The following PRMT3 variants were observed in gnomAD, a reference collection of about 807,000 sequenced individuals.
PRMT3 encodes protein arginine N-methyltransferase 3.
PRMT3 carries 62 observed loss-of-function variants against 71.9 expected under a neutral mutation model. That is an observed-to-expected ratio of 0.86 (90% CI 0.70 to 1.07). PRMT3 has a LOEUF of 1.07. Among genes scored for constraint, PRMT3 ranks in the 50% least tolerant of loss-of-function variants. PRMT3 has a pLI of 0.00. For synonymous variants in PRMT3, 213 were observed against 220.4 expected, an observed-to-expected ratio of 0.97 and a Z score of 0.30; for missense variants, 663 against 643.0, an observed-to-expected ratio of 1.03 and a Z score of -0.34.
At chr11:20,480,714 C>G (rs561393088) in intron 13 of PRMT3, among the ~76,000 whole-genome samples, 81 of 152,082 alleles carry the variant, frequency 5.3e-4, no homozygotes, top group African/African-American at 1.8e-3. Flanking sequence ...CATGAGTTAC[C>G]TAAGAGATAA....
At chr11:20,504,739 A>C (rs999691832) in intron 15 of PRMT3, among the ~76,000 whole-genome samples, 4 of 150,606 alleles carry the variant, frequency 2.7e-5, no homozygotes, top group Non-Finnish European at 4.4e-5. Context: ...AGAGAGAGAG[A>C]GAGAGAGCGA....
chr11:20,480,306 G>C (rs1264532379), intron 13 of PRMT3, among the ~76,000 whole-genome samples: 1 of 152,180 alleles, frequency 6.6e-6, no homozygotes, highest in Non-Finnish European at 1.5e-5. Context: ...CTCTGTGTGT[G>C]TATGTGTGTT....
At chr11:20,406,392 T>C (rs1340047087) in intron 8 of PRMT3, 4 of 152,244 alleles carry the variant, frequency 2.6e-5, no homozygotes, top group African/African-American at 9.6e-5. Flanking sequence ...TATAAAGGGC[T>C]GACTGTATTT....
chr11:20,392,223 A>G lies in PRMT3; in HGVS notation c.260A>G (p.Tyr87Cys), dbSNP rs781769052. The G allele has an allele frequency of 3.2e-6, 5 of 1,569,318 alleles. No individual in the cohort carries two copies. The highest frequency in any genetic ancestry group is 2.3e-5 in the East Asian group (1 of 43,868). ...TTTCCCCCTTTAGGACTTGAATTTT[A>G]TGGATACATTAAGCTAATAAATTTT... Reference protein sequence around the residue: ...SMVHKHGLEFYGYIKLINFIR... With the variant: ...SMVHKHGLEFCGYIKLINFIR... The change falls in exon 4 of 16, where the codon TAT becomes TGT. Residue 87 changes from tyrosine (Y) to cysteine (C), a missense_variant. Physicochemically the swap from Tyr to Cys is radical, Grantham distance 194. Coordinates refer to ENST00000331079, the MANE Select transcript of PRMT3 (RefSeq NM_005788.4).
chr11:20,441,799 T>G (rs1317916398), intron 10 of PRMT3, among the ~76,000 whole-genome samples: 1 of 151,266 alleles, frequency 6.6e-6, no homozygotes, highest in African/African-American at 2.4e-5. Flanking sequence ...TTTTTTTTTT[T>G]TTTTTTTTTT....
At chr11:20,407,720 G>A (rs918311731) in intron 8 of PRMT3, 191 bp from the exon 9 acceptor site, 1 of 452,598 alleles carries the variant, frequency 2.2e-6, no homozygotes, top group Non-Finnish European at 3.9e-6. Flanking sequence ...CGGGCATGGT[G>A]ACTCCTGCCT....
At chr11:20,406,838 A>G (rs1237555602) in intron 8 of PRMT3, 1 of 152,114 alleles carries the variant, frequency 6.6e-6, no homozygotes, top group Non-Finnish European at 1.5e-5. Context: ...GATAATAGCT[A>G]TCCTAGTTGG....
rs746960511 is a variant in PRMT3 at position 20,426,865 on chromosome 11, GGTGA to G, written c.993+4_993+7del. ...TAGATGTTATCATATCTGAGTGGAT[GGTGA>G]GTGTTTATAGAAAAAACTACTTTCA... On this transcript the variant is annotated splice_donor_variant and splice_donor_region_variant and intron_variant, in intron 10 of 15. Transcript: ENST00000331079. LOFTEE classifies it high-confidence loss of function. 3.9e-6 allele frequency: 6 copies of G among 1,525,620 alleles called. No individual in the cohort carries two copies. The highest frequency in any genetic ancestry group is 1.3e-5 in the South Asian group (1 of 74,882). 94.5% of individuals were successfully genotyped at this position (1,525,620 alleles called of 1,614,324 possible).
intron 15 of PRMT3, among the ~76,000 whole-genome samples, chr11:20,496,452 A>G (rs987371490): frequency 6.6e-6 from 1 of 152,106 alleles, no homozygotes; most frequent in Non-Finnish European, 1.5e-5. Context: ...AACATTGAGC[A>G]AAAAAGAAAA....
intron 10 of PRMT3, among the ~76,000 whole-genome samples, chr11:20,441,406 C>T (rs1849897604): frequency 1.3e-5 from 2 of 151,654 alleles, no homozygotes; most frequent in African/African-American, 2.4e-5. Context: ...CCCGGGTTCA[C>T]GCCATTCTCC....
chr11:20,426,610 C>T (rs1849551347), intron 9 of PRMT3, among the ~76,000 whole-genome samples, 156 bp from the exon 10 acceptor site: 1 of 152,084 alleles, frequency 6.6e-6, no homozygotes, highest in Non-Finnish European at 1.5e-5. Context: ...CATGGAGTAA[C>T]CATAAAATAA....
Position 20,431,140 on chromosome 11 carries a change from G to A in PRMT3, c.993+4275G>A, listed in dbSNP as rs181053386. On this transcript the variant is annotated intron_variant, in intron 10 of 15. Transcript: ENST00000331079. ...AGGCTTAGCATTAGTAAATGATGAC[G>A]GAATGTGAATTGTAAAATTGTAAGA... is the stretch of plus-strand genomic sequence containing the variant. 2.4e-3 allele frequency among the ~76,000 whole-genome samples: 361 copies of A among 152,192 alleles called. 4 individuals carry two copies. The South Asian group carries it at 0.028, about 12-fold the overall frequency.
intron 9 of PRMT3, among the ~76,000 whole-genome samples, chr11:20,417,269 A>G (rs577076569): frequency 7.9e-5 from 12 of 152,230 alleles, no homozygotes; most frequent in Admixed American, 2.6e-4. Flanking sequence ...GTTCTTAGGG[A>G]GCAAAAGAGA....
intron 10 of PRMT3, among the ~76,000 whole-genome samples, chr11:20,437,079 A>G (rs923332194): frequency 4.6e-5 from 7 of 152,102 alleles, no homozygotes; most frequent in Non-Finnish European, 1.0e-4. Flanking sequence ...CATAGTCTCT[A>G]ATAAACATTT....
At chr11:20,477,209 A>G (rs1273189571) in intron 13 of PRMT3, among the ~76,000 whole-genome samples, 2 of 152,176 alleles carry the variant, frequency 1.3e-5, no homozygotes, top group African/African-American at 4.8e-5. Context: ...CAGTGTGTGC[A>G]TTGGAGGGAA....
intron 15 of PRMT3, among the ~76,000 whole-genome samples, chr11:20,504,409 G>T (rs1460354423): frequency 9.3e-4 from 141 of 152,148 alleles, no homozygotes; most frequent in African/African-American, 3.3e-3. Flanking sequence ...AGAACAAAAT[G>T]GCAAGATTTA....
chr11:20,483,307 A>ATATTAAAATATAATGTT (rs1466975438), intron 13 of PRMT3, among the ~76,000 whole-genome samples: 3 of 152,130 alleles, frequency 2.0e-5, no homozygotes, highest in African/African-American at 7.2e-5. Context: ...TGTATTCTTA[A>ATATTAAAATATAATGTT]TATTAAAATA....
chr11:20,459,415 A>T (rs1417801299), intron 11 of PRMT3, among the ~76,000 whole-genome samples: 2 of 152,062 alleles, frequency 1.3e-5, no homozygotes, highest in Admixed American at 6.5e-5. Flanking sequence ...ATTTCTGCTC[A>T]TTTATATCAA....
At chr11:20,440,201 A>G (rs1849854385) in intron 10 of PRMT3, among the ~76,000 whole-genome samples, 2 of 152,186 alleles carry the variant, frequency 1.3e-5, no homozygotes, top group South Asian at 4.1e-4. Flanking sequence ...CCAAAATACT[A>G]ATGTTAAGAG....
Sources: gnomAD v4.1 joint callset for allele counts (sites outside exome capture counted in the v4.1 genomes callset) on GRCh38, gnomAD v4.1.1 for gene constraint, MANE v1.5 for transcripts, NCBI Gene and HGNC (gene_info 2026-07-23, HGNC 2026-07-21) for gene names.